The following FBXO42 variants were observed in gnomAD, a reference collection of about 807,000 sequenced individuals.
The protein encoded by FBXO42 is F-box only protein 42.
In FBXO42, 12 loss-of-function variants were observed where a neutral mutation model predicts 71.7. The ratio of observed to expected loss-of-function variants is 0.17; its 90% confidence interval spans 0.11 to 0.27. The LOEUF (loss-of-function observed/expected upper bound fraction) is 0.27, where lower values mean the gene tolerates loss of function less well. Among genes scored for constraint, FBXO42 ranks in the 10% least tolerant of loss-of-function variants. FBXO42 has a pLI of 1.00. For synonymous variants in FBXO42, 325 were observed against 327.5 expected, an observed-to-expected ratio of 0.99 and a Z score of 0.08; for missense variants, 707 against 911.9, an observed-to-expected ratio of 0.78 and a Z score of 2.89.
Position 16,250,630 on chromosome 1 carries a change from A to C in FBXO42, c.*40T>G. The stretch of plus-strand genomic sequence containing the variant: ...AAATGCTTACACACTGGAAAATTCC[A>C]AATTAAAAGCCACAGAAAAGGAAAG... On this transcript the variant is annotated 3_prime_UTR_variant, in exon 10 of 10. Transcript: ENST00000375592. This position sits in a 1 kb window ranked among gnomAD's most constrained non-coding sequence, Gnocchi z 4.7. The C allele has an allele frequency of 6.4e-7, 1 of 1,572,346 alleles. No individual in the cohort carries two copies. The highest frequency in any genetic ancestry group is 2.3e-5 in the East Asian group (1 of 44,436).
intron 4 of FBXO42, among the ~76,000 whole-genome samples, chr1:16,284,007 A>G (rs2081995043): frequency 6.6e-6 from 1 of 152,212 alleles, no homozygotes; most frequent in African/African-American, 2.4e-5. Context: ...CTGAGTTTGA[A>G]TAAAGGGTAA....
At chr1:16,273,038 A>G (rs1047643757) in intron 4 of FBXO42, among the ~76,000 whole-genome samples, 1 of 152,150 alleles carries the variant, frequency 6.6e-6, no homozygotes, top group Non-Finnish European at 1.5e-5. Flanking sequence ...GTATCTCCGT[A>G]TATATAAAGA....
intron 4 of FBXO42, among the ~76,000 whole-genome samples, chr1:16,288,149 A>G (rs1289418212): frequency 6.6e-6 from 1 of 152,042 alleles, no homozygotes; most frequent in Non-Finnish European, 1.5e-5. Context: ...CAAACAAACA[A>G]TAATAATAGG....
chr1:16,248,659 C>G lies in FBXO42; in HGVS notation c.*2011G>C, dbSNP rs2081559085. On this transcript the variant is annotated 3_prime_UTR_variant, in exon 10 of 10. Coordinates refer to ENST00000375592, the MANE Select transcript of FBXO42 (RefSeq NM_018994.3). The stretch of plus-strand genomic sequence containing the variant: ...CGGTAACACCTGAATTGCTAGCCTT[C>G]TGGCCCAGCTTTCCCTTGTAAATAA... 6.6e-6 allele frequency: 1 copy of G among 152,250 alleles called. No individual in the cohort carries two copies. Among genetic ancestry groups the G allele is most frequent in the Non-Finnish European group, 1.5e-5 (1 of 68,046 alleles). The allele number at this position is 152,250 out of a possible 1,614,324, so 9.4% of individuals were successfully genotyped here.
At chr1:16,327,322 G>A (rs927444229) in intron 1 of FBXO42, among the ~76,000 whole-genome samples, 9 of 152,098 alleles carry the variant, frequency 5.9e-5, no homozygotes, top group African/African-American at 1.9e-4. Flanking sequence ...ATCTTAGTTG[G>A]GAGTAGAGCA....
rs535425057 is a variant in FBXO42, at chr1:16,317,559, C to CA, written c.-17-2125dup. On this transcript the variant is annotated intron_variant, in intron 1 of 9. Coordinates refer to ENST00000375592, the MANE Select transcript of FBXO42 (RefSeq NM_018994.3). ...TGCAGTTAGCCAAGACTGGCCACTG[C>CA]ACTCCAGCCTAGACAATACAGCAAG... Among the ~76,000 whole-genome samples, 51 of 152,092 alleles carry CA rather than the reference C, an allele frequency of 3.4e-4. No homozygotes were observed. In the South Asian group the frequency reaches 0.01, roughly 30 times the overall value.
At chr1:16,341,475 C>T (rs1296122123) in intron 1 of FBXO42, among the ~76,000 whole-genome samples, 2 of 151,956 alleles carry the variant, frequency 1.3e-5, no homozygotes, top group East Asian at 3.9e-4. Context: ...TGGTGCACGC[C>T]TGTAATCCCA....
chr1:16,301,013 C>T (rs1256186168), intron 3 of FBXO42, among the ~76,000 whole-genome samples: 3 of 151,194 alleles, frequency 2.0e-5, no homozygotes, highest in Non-Finnish European at 2.9e-5. Flanking sequence ...ATTCTCCTGC[C>T]TCAGCCTCCC....
At position 16,250,847 on chromosome 1, in the gene FBXO42, C is replaced by G. The variant is rs773570260; in HGVS notation, c.1977G>C (p.Arg659=). The G allele has an allele frequency of 6.2e-7, 1 of 1,614,086 alleles. No individual in the cohort carries two copies. Among genetic ancestry groups the G allele is most frequent in the Admixed American group, 1.7e-5 (1 of 60,012 alleles). The change falls in exon 10 of 10, where the codon CGG becomes CGC. Residue 659 remains arginine, a synonymous_variant. Coordinates refer to ENST00000375592, the MANE Select transcript of FBXO42 (RefSeq NM_018994.3). This position sits in a 1 kb window ranked among gnomAD's most constrained non-coding sequence, Gnocchi z 4.7. ...LDIKDTKEKG[R]VKWKVFNSSS... is the part of the protein sequence containing the mutation. ...TGCTATTAAATACTTTCCATTTGAC[C>G]CGCCCCTTCTCCTTGGTGTCTTTAA... is the stretch of plus-strand genomic sequence containing the variant.
rs1206326664 is a variant in FBXO42, at chr1:16,261,766, C to T, written c.503-5007G>A. 5.3e-5 allele frequency among the ~76,000 whole-genome samples: 8 copies of T among 152,040 alleles called. No homozygotes were observed. The South Asian group carries it at 1.2e-3, about 24-fold the overall frequency. ...TCGCTCAGGCTGGAGTGCAGTGGCG[C>T]GATCTCGGCTCACTGCAAGCTCCAC... On this transcript the variant is annotated intron_variant, in intron 4 of 9. Transcript: ENST00000375592.
At chr1:16,267,384 T>C (rs2081788100) in intron 4 of FBXO42, among the ~76,000 whole-genome samples, 1 of 152,124 alleles carries the variant, frequency 6.6e-6, no homozygotes, top group South Asian at 2.1e-4. Flanking sequence ...TGCTCTTTAA[T>C]TGCAGTTCTA....
intron 3 of FBXO42, among the ~76,000 whole-genome samples, chr1:16,304,880 A>G (rs2082233404): frequency 6.6e-6 from 1 of 150,546 alleles, no homozygotes; most frequent in Non-Finnish European, 1.5e-5. Context: ...GAGGCAGGAG[A>G]ATCATTTGAA....
At chr1:16,322,531 G>A (rs1353571153) in intron 1 of FBXO42, among the ~76,000 whole-genome samples, 5 of 152,036 alleles carry the variant, frequency 3.3e-5, no homozygotes, top group Admixed American at 1.3e-4. Context: ...AGCTGAGATC[G>A]CACCACTGTA....
intron 4 of FBXO42, among the ~76,000 whole-genome samples, chr1:16,260,508 C>T (rs2081699427): frequency 6.6e-6 from 1 of 151,678 alleles, no homozygotes; most frequent in Non-Finnish European, 1.5e-5. Context: ...CGCGCCTGGC[C>T]CAATTACTAT....
intron 1 of FBXO42, among the ~76,000 whole-genome samples, chr1:16,350,576 A>AC (rs1296806956): frequency 6.7e-5 from 6 of 89,808 alleles, no homozygotes; most frequent in African/African-American, 2.7e-4. Context: ...AAAATTACAA[A>AC]AAAAAAAAAA....
At chr1:16,254,813 C>G (rs1489269059) in intron 6 of FBXO42, among the ~76,000 whole-genome samples, 1 of 152,196 alleles carries the variant, frequency 6.6e-6, no homozygotes, top group African/African-American at 2.4e-5. Context: ...CTTGAGCTGT[C>G]CAGTATGGCC....
chr1:16,254,868 T>C (rs1361119317), intron 6 of FBXO42, among the ~76,000 whole-genome samples: 1 of 152,212 alleles, frequency 6.6e-6, no homozygotes, highest in Non-Finnish European at 1.5e-5. Context: ...CTCACAGAAA[T>C]GTCATGCCTG....
chr1:16,306,460 C>A (rs1323506586), intron 2 of FBXO42, among the ~76,000 whole-genome samples: 1 of 152,026 alleles, frequency 6.6e-6, no homozygotes, highest in Non-Finnish European at 1.5e-5. Context: ...ACAAAATTAG[C>A]TCACACTGTA....
In FBXO42 at chr1:16,256,702, A is replaced by G; in HGVS notation, c.560T>C (p.Val187Ala). The change falls in exon 5 of 10, where the codon GTG becomes GCG. Residue 187 changes from valine to alanine, a missense_variant. Val to Ala is a moderately conservative substitution (Grantham distance 64). Coordinates refer to ENST00000375592, the MANE Select transcript of FBXO42 (RefSeq NM_018994.3). ...ATLVVYKDLL[V>A]LFGGWTRPSP... is the part of the protein sequence containing the mutation. ...TGGCCGCGTCCAGCCACCAAACAGC[A>G]CTAGCAAGTCCTTGTACACGACCAG... 1 of 1,614,226 alleles carries G rather than the reference A, an allele frequency of 6.2e-7. No homozygotes were observed. The highest frequency in any genetic ancestry group is 8.5e-7 in the Non-Finnish European group (1 of 1,180,028).
Sources: allele counts gnomAD v4.1 joint callset (sites outside exome capture counted in the v4.1 genomes callset), GRCh38; gene constraint gnomAD v4.1.1; non-coding constraint Gnocchi (gnomAD v3.1); transcripts MANE v1.5; gene names NCBI Gene and HGNC (gene_info 2026-07-23, HGNC 2026-07-21).